ZNF385D: variants seen among roughly 807,000 people sequenced by gnomAD.
The protein encoded by ZNF385D is zinc finger protein 385D.
ZNF385D carries 15 observed loss-of-function variants against 35.8 expected under a neutral mutation model. That is an observed-to-expected ratio of 0.42 (90% confidence interval 0.28 to 0.64). ZNF385D has a LOEUF of 0.64. ZNF385D is among the 30% of genes least tolerant of loss of function. ZNF385D has a pLI of 0.23. For synonymous variants in ZNF385D, 212 were observed against 186.8 expected (o/e 1.13, Z -1.10); for missense variants, 474 against 494.6 (o/e 0.96, Z 0.39).
chr3:21,922,592 A>G (rs888836661), intron 3 of ZNF385D, among the ~76,000 whole-genome samples: 20 of 152,224 alleles, frequency 1.3e-4, no homozygotes, highest in African/African-American at 3.4e-4. Flanking sequence ...CATAGGCAGA[A>G]GAATAAAACT....
intron 3 of ZNF385D, among the ~76,000 whole-genome samples, chr3:21,916,644 G>A (rs1700205360): frequency 6.6e-6 from 1 of 152,116 alleles, no homozygotes; most frequent in African/African-American, 2.4e-5. Context: ...ACACTGTACT[G>A]TCAGTCTGTT....
intron 3 of ZNF385D, among the ~76,000 whole-genome samples, chr3:21,964,237 T>C (rs1054036152): frequency 2.6e-5 from 4 of 151,686 alleles, no homozygotes; most frequent in Non-Finnish European, 4.4e-5. Context: ...AATTTCTCCT[T>C]CTGTGTCTCC....
chr3:21,489,707 C>A (rs987637243), intron 4 of ZNF385D, among the ~76,000 whole-genome samples: 2 of 152,074 alleles, frequency 1.3e-5, no homozygotes, highest in African/African-American at 4.8e-5. Flanking sequence ...ATTCATTTAT[C>A]TGCCTCATAT....
At position 21,757,518 on chromosome 3, in the gene ZNF385D, G is replaced by A. The variant is rs1328706704; in HGVS notation, c.326-92490C>T. Among the ~76,000 whole-genome samples the A allele has an allele frequency of 6.6e-5, 10 of 152,208 alleles. No homozygotes were observed. The East Asian group carries it at 1.7e-3, about 26-fold the overall frequency. The stretch of plus-strand genomic sequence containing the variant: ...AGCTTTTTATTATATTTAATAACCA[G>A]CATTGAGAGCCAGAAATCTTAACCT... On this transcript the variant is annotated intron_variant, in intron 3 of 5. Transcript: ENST00000494108.
intron 3 of ZNF385D, among the ~76,000 whole-genome samples, chr3:22,040,764 C>T (rs944279442): frequency 2.6e-5 from 4 of 151,904 alleles, no homozygotes; most frequent in African/African-American, 9.7e-5. Context: ...GGATAGAAGG[C>T]TGATAGAATC....
intron 4 of ZNF385D, among the ~76,000 whole-genome samples, chr3:21,437,701 C>A (rs868199734): frequency 1.1e-3 from 86 of 77,178 alleles, no homozygotes; most frequent in Admixed American, 1.5e-3. Context: ...AATGCTTATA[C>A]AAAAAAAAAA....
At chr3:22,016,429 C>A (rs1446214911) in intron 3 of ZNF385D, among the ~76,000 whole-genome samples, 1 of 152,064 alleles carries the variant, frequency 6.6e-6, no homozygotes, top group Non-Finnish European at 1.5e-5. Flanking sequence ...GCAAATTGTG[C>A]AGACCAAGGT....
intron 3 of ZNF385D, among the ~76,000 whole-genome samples, chr3:21,559,712 G>T (rs1231669170): frequency 6.6e-6 from 1 of 152,172 alleles, no homozygotes; most frequent in Non-Finnish European, 1.5e-5. Flanking sequence ...GGCCTGTCTT[G>T]CTAGGTTGGG....
At chr3:22,109,560 T>C (rs184505131) in intron 3 of ZNF385D, among the ~76,000 whole-genome samples, 4 of 152,162 alleles carry the variant, frequency 2.6e-5, no homozygotes, top group African/African-American at 9.7e-5. Flanking sequence ...AGGGTTTTTC[T>C]CAGATGAAGA....
intron 4 of ZNF385D, among the ~76,000 whole-genome samples, chr3:21,455,515 G>A (rs1702746003): frequency 6.6e-6 from 1 of 152,128 alleles, no homozygotes; most frequent in African/African-American, 2.4e-5. Flanking sequence ...AATGGTGCTG[G>A]GAAAACTGGC....
intron 3 of ZNF385D, among the ~76,000 whole-genome samples, chr3:21,919,401 G>C (rs1452555326): frequency 1.3e-5 from 2 of 152,156 alleles, no homozygotes; most frequent in Non-Finnish European, 2.9e-5. Flanking sequence ...TGATATTGTT[G>C]TGAGCTATAA....
chr3:21,914,860 G>A (rs1296393877), intron 3 of ZNF385D, among the ~76,000 whole-genome samples: 1 of 151,200 alleles, frequency 6.6e-6, no homozygotes, highest in African/African-American at 2.4e-5. Context: ...ACAATGTTGT[G>A]GTAAATTACT....
At chr3:22,187,271 C>G (rs1695700097) in intron 2 of ZNF385D, among the ~76,000 whole-genome samples, 1 of 152,160 alleles carries the variant, frequency 6.6e-6, no homozygotes, top group African/African-American at 2.4e-5. Context: ...TAATCGAAGT[C>G]TATTAAAATA....
chr3:21,978,163 T>C (rs908801353), intron 3 of ZNF385D: 1 of 152,226 alleles, frequency 6.6e-6, no homozygotes, highest in Non-Finnish European at 1.5e-5. Context: ...AGGATGTCTT[T>C]GAAACCTTTT....
At chr3:21,947,198 A>G (rs1701832904) in intron 3 of ZNF385D, among the ~76,000 whole-genome samples, 1 of 152,214 alleles carries the variant, frequency 6.6e-6, no homozygotes, top group Non-Finnish European at 1.5e-5. Flanking sequence ...AACTCCACAC[A>G]CAGCATCAAA....
intron 2 of ZNF385D, among the ~76,000 whole-genome samples, chr3:22,348,729 C>T (rs1311285497): frequency 6.6e-6 from 1 of 151,886 alleles, no homozygotes; most frequent in East Asian, 1.9e-4. Context: ...AGGGTACAGG[C>T]ACTTATAGGG....
chr3:22,232,365 CTG>C (rs571337794), intron 2 of ZNF385D, among the ~76,000 whole-genome samples: 456 of 148,696 alleles, frequency 3.1e-3, no homozygotes, highest in African/African-American at 0.011. Context: ...GTATTTTTCT[CTG>C]AGAATGGCTT....
intron 4 of ZNF385D, among the ~76,000 whole-genome samples, chr3:21,441,203 G>T (rs144502011): frequency 2.0e-5 from 3 of 151,928 alleles, no homozygotes; most frequent in African/African-American, 7.3e-5. Flanking sequence ...CTTATACTTG[G>T]CATGAAATGG....
intron 3 of ZNF385D, among the ~76,000 whole-genome samples, chr3:21,812,701 C>T (rs1296421232): frequency 6.6e-6 from 1 of 152,222 alleles, no homozygotes; most frequent in East Asian, 1.9e-4. Context: ...AGCTGGGAAG[C>T]TCGAACTGCG....
Sources: allele counts gnomAD v4.1 joint callset (sites outside exome capture counted in the v4.1 genomes callset), GRCh38; gene constraint gnomAD v4.1.1; transcripts MANE v1.5; gene names NCBI Gene and HGNC (gene_info 2026-07-23, HGNC 2026-07-21).